The following KIF5C variants were observed in gnomAD, a reference collection of about 807,000 sequenced individuals.
KIF5C encodes the protein kinesin heavy chain isoform 5C.
A neutral mutation model predicts 125.2 loss-of-function variants in KIF5C; 18 were observed. That is an observed-to-expected ratio of 0.14 (90% CI 0.10 to 0.21). KIF5C has a LOEUF of 0.21. Ranked by LOEUF, KIF5C falls within the 10% of genes least tolerant of loss-of-function variation. The pLI, the probability that KIF5C is intolerant of heterozygous loss-of-function variation, is 1.00. For missense variants in KIF5C, 780 were observed against 1,183.8 expected (o/e 0.66, Z 5.01); for synonymous variants, 405 against 434.0 (o/e 0.93, Z 0.83).
intron 11 of KIF5C, among the ~76,000 whole-genome samples, chr2:148,966,863 G>A (rs1680735684): frequency 6.6e-6 from 1 of 152,100 alleles, no homozygotes; most frequent in Non-Finnish European, 1.5e-5. Context: ...GATGCCATCT[G>A]CAAACCCCGA....
At chr2:148,926,536 G>A (rs1246610201) in intron 2 of KIF5C, among the ~76,000 whole-genome samples, 1 of 152,218 alleles carries the variant, frequency 6.6e-6, no homozygotes, top group Non-Finnish European at 1.5e-5. Flanking sequence ...GAGTCGGATG[G>A]AGGTTGGCGT....
chr2:148,919,130 T>C (rs1393242371), intron 1 of KIF5C, among the ~76,000 whole-genome samples: 1 of 152,236 alleles, frequency 6.6e-6, no homozygotes, highest in Non-Finnish European at 1.5e-5. Flanking sequence ...TGGAAATGTC[T>C]AGAGGACATG....
chr2:149,014,919 G>A (rs1341750325), intron 25 of KIF5C, among the ~76,000 whole-genome samples: 3 of 152,090 alleles, frequency 2.0e-5, no homozygotes, highest in Non-Finnish European at 2.9e-5. Context: ...CGGGCATGGC[G>A]GGTCATGCCT....
chr2:149,002,967 G>C (rs919176642), intron 21 of KIF5C, among the ~76,000 whole-genome samples: 4 of 151,984 alleles, frequency 2.6e-5, no homozygotes, highest in African/African-American at 9.7e-5. Flanking sequence ...TCTCTCCCAC[G>C]CTGGGCGCGG....
At chr2:148,894,716 A>G (rs1489753750) in intron 1 of KIF5C, among the ~76,000 whole-genome samples, 1 of 151,638 alleles carries the variant, frequency 6.6e-6, no homozygotes, top group African/African-American at 2.4e-5. Context: ...ATATATATAT[A>G]TATATAGGGT....
intron 1 of KIF5C, among the ~76,000 whole-genome samples, chr2:148,912,651 G>A (rs191948651): frequency 5.3e-5 from 8 of 152,274 alleles, no homozygotes; most frequent in African/African-American, 1.9e-4. Context: ...GTCTTTCTGT[G>A]TTGCCTAGGC....
At chr2:148,891,235 CT>C (rs1681700442) in intron 1 of KIF5C, among the ~76,000 whole-genome samples, 4 of 152,098 alleles carry the variant, frequency 2.6e-5, no homozygotes, top group Admixed American at 2.6e-4. Context: ...GGCAAAATTC[CT>C]TTAGCACTAA....
At chr2:148,951,295 T>C (rs73962008) in intron 10 of KIF5C, among the ~76,000 whole-genome samples, 20,881 of 152,138 alleles carry the variant, frequency 0.14, 2,192 homozygotes, top group African/African-American at 0.29. Flanking sequence ...TGAGAAGAGA[T>C]GCAGATGACA....
chr2:149,014,908 C>T (rs1312022534), intron 25 of KIF5C, among the ~76,000 whole-genome samples: 3 of 152,134 alleles, frequency 2.0e-5, no homozygotes, highest in Non-Finnish European at 4.4e-5. Flanking sequence ...ATAATATTGG[C>T]CGGGCATGGC....
chr2:148,900,477 A>G (rs1004317741), intron 1 of KIF5C, among the ~76,000 whole-genome samples: 1 of 152,192 alleles, frequency 6.6e-6, no homozygotes, highest in Non-Finnish European at 1.5e-5. Context: ...GCAGACAGTC[A>G]GCTGACATAG....
intron 22 of KIF5C, among the ~76,000 whole-genome samples, chr2:149,007,471 A>G (rs1460038723): frequency 6.6e-5 from 10 of 152,120 alleles, no homozygotes; most frequent in Non-Finnish European, 1.3e-4. Context: ...AATTTTATAG[A>G]TTTGGAAGCT....
At chr2:148,943,604 T>C (rs930411343) in intron 7 of KIF5C, among the ~76,000 whole-genome samples, 6 of 152,174 alleles carry the variant, frequency 3.9e-5, no homozygotes, top group Admixed American at 3.9e-4. Flanking sequence ...ATACTTAGAA[T>C]ACCCATGATT....
intron 3 of KIF5C, among the ~76,000 whole-genome samples, chr2:148,930,797 G>A (rs1487869949): frequency 6.6e-6 from 1 of 152,116 alleles, no homozygotes; most frequent in African/African-American, 2.4e-5. Flanking sequence ...ACTTCTTTCT[G>A]ACTAAGCAGG....
intron 11 of KIF5C, among the ~76,000 whole-genome samples, chr2:148,971,316 C>CTATA: frequency 6.6e-6 from 1 of 151,840 alleles, no homozygotes; most frequent in Non-Finnish European, 1.5e-5. Context: ...ATCTATCTAT[C>CTATA]TATCTATCTA....
intron 1 of KIF5C, among the ~76,000 whole-genome samples, chr2:148,880,620 A>G (rs1024583641): frequency 6.6e-6 from 1 of 152,238 alleles, no homozygotes; most frequent in Non-Finnish European, 1.5e-5. Flanking sequence ...ATTTCCATCT[A>G]AAAGCAGTAA....
intron 2 of KIF5C, among the ~76,000 whole-genome samples, chr2:148,926,610 G>A (rs1054943627): frequency 2.0e-5 from 3 of 152,136 alleles, no homozygotes; most frequent in Admixed American, 6.5e-5. Flanking sequence ...GCCTGTGGTC[G>A]CGGTGGCCAT....
At chr2:148,887,278 TA>T (rs1681556085) in intron 1 of KIF5C, among the ~76,000 whole-genome samples, 1 of 152,226 alleles carries the variant, frequency 6.6e-6, no homozygotes, top group Non-Finnish European at 1.5e-5. Context: ...CTAGAAAATT[TA>T]AAATTACATG....
intron 13 of KIF5C, 141 bp from the exon 14 acceptor site, chr2:148,981,214 C>T: frequency 8.1e-7 from 1 of 1,234,202 alleles, no homozygotes; most frequent in Non-Finnish European, 1.1e-6. Flanking sequence ...CTGGACCATA[C>T]AGTGGGGTTT....
intron 25 of KIF5C, among the ~76,000 whole-genome samples, chr2:149,020,610 A>G (rs889570227): frequency 6.6e-6 from 1 of 152,184 alleles, no homozygotes; most frequent in Admixed American, 6.5e-5. Context: ...ACATTGCGTC[A>G]GGCCATAATC....
Sources: gnomAD v4.1 joint callset for allele counts (sites outside exome capture counted in the v4.1 genomes callset) on GRCh38, gnomAD v4.1.1 for gene constraint, MANE v1.5 for transcripts, NCBI Gene and HGNC (gene_info 2026-07-23, HGNC 2026-07-21) for gene names.